The following PPFIA1 variants were observed in gnomAD, a reference collection of about 807,000 sequenced individuals.
The protein encoded by PPFIA1 is liprin-alpha-1.
Under a neutral mutation model 149.9 loss-of-function variants are expected in PPFIA1, and 25 were observed. The ratio of observed to expected loss-of-function variants is 0.17; its 90% CI spans 0.12 to 0.23. The LOEUF (loss-of-function observed/expected upper bound fraction) is 0.23. Ranked by LOEUF, PPFIA1 falls within the 10% of genes least tolerant of loss-of-function variation. PPFIA1 has a pLI of 1.00. For missense variants in PPFIA1, 1,362 were observed against 1,506.5 expected (o/e 0.90, Z 1.59); for synonymous variants, 549 against 552.8 (o/e 0.99, Z 0.10).
chr11:70,335,587 GAAGAACA>G lies in PPFIA1; in HGVS notation c.1322_1328del (p.Glu441ValfsTer38), dbSNP rs2054923558. The G allele has an allele frequency of 6.2e-7, 1 of 1,613,742 alleles. No individual in the cohort carries two copies. The highest frequency in any genetic ancestry group is 1.1e-5 in the South Asian group (1 of 91,044). ...GGCAAGGCAAAGAGAAAAAATGAAC[GAAGAACA>G]TAATAAACGTTTATCAGACACTGTT... On this transcript the variant is annotated frameshift_variant, in exon 11 of 28. Coordinates refer to ENST00000253925, the MANE Select transcript of PPFIA1 (RefSeq NM_003626.5). LOFTEE classifies it high-confidence loss of function.
intron 2 of PPFIA1, among the ~76,000 whole-genome samples, chr11:70,312,958 C>T (rs115722544): frequency 6.6e-6 from 1 of 152,088 alleles, no homozygotes; most frequent in Admixed American, 6.6e-5. Flanking sequence ...GTAGAGGAGG[C>T]CTCTGCAGGA....
At chr11:70,317,377 A>C (rs2053698224) in intron 2 of PPFIA1, among the ~76,000 whole-genome samples, 1 of 151,992 alleles carries the variant, frequency 6.6e-6, no homozygotes, top group Admixed American at 6.5e-5. Flanking sequence ...GCTTTGATAT[A>C]TTTTCAGTTG....
chr11:70,325,904 G>T (rs2054240055), intron 5 of PPFIA1, among the ~76,000 whole-genome samples: 1 of 147,380 alleles, frequency 6.8e-6, no homozygotes, highest in Admixed American at 6.9e-5. Context: ...TTGCACTCCA[G>T]CCTGGGTGAC....
intron 2 of PPFIA1, among the ~76,000 whole-genome samples, chr11:70,309,634 A>T (rs2053123052): frequency 7.1e-6 from 1 of 140,744 alleles, no homozygotes; most frequent in Non-Finnish European, 1.5e-5. Flanking sequence ...AGTTTTGCCT[A>T]AAAAAAAAAA....
chr11:70,331,901 T>C, intron 8 of PPFIA1, 59 bp from the exon 9 acceptor site: 1 of 1,550,528 alleles, frequency 6.4e-7, no homozygotes, highest in Non-Finnish European at 8.7e-7. Flanking sequence ...TTTCAATCTG[T>C]TAAAAACTGA....
intron 25 of PPFIA1, 150 bp downstream of exon 25, chr11:70,376,750 T>C (rs146410926): frequency 4.8e-4 from 367 of 767,460 alleles, no homozygotes; most frequent in African/African-American, 3.5e-3. Context: ...TTTGCTCTTA[T>C]ACATTTATTC....
At chr11:70,282,751 C>A (rs756351627) in intron 2 of PPFIA1, among the ~76,000 whole-genome samples, 7 of 150,688 alleles carry the variant, frequency 4.6e-5, no homozygotes, top group Admixed American at 4.6e-4. Context: ...CCAGAATGGT[C>A]GCGATCTCCT....
chr11:70,338,417 A>T lies in PPFIA1; in HGVS notation c.1535A>T (p.Asp512Val). Residue 512 changes from aspartate to valine, a missense_variant, in exon 13 of 28, where the codon GAC becomes GTC. By Grantham distance (152) the Asp-to-Val change is radical (BLOSUM62 -3). This residue lies in a region of PPFIA1 where 733 missense variants were observed against 744.1 expected (regional missense o/e 0.99). Transcript: ENST00000253925. ...ATTGAAGCACTGAGGGCTGAACTAG[A>T]CCACATGAGACTAAGAGGTGCTTCA... is the stretch of plus-strand genomic sequence containing the variant. ...LNIEALRAEL[D>V]HMRLRGASLH... 1 of 1,613,504 alleles carries T rather than the reference A, an allele frequency of 6.2e-7. No individual in the cohort carries two copies. The highest frequency in any genetic ancestry group is 8.5e-7 in the Non-Finnish European group (1 of 1,179,424).
intron 23 of PPFIA1, among the ~76,000 whole-genome samples, chr11:70,373,203 ATTTGTTTG>A (rs151079983): frequency 2.0e-5 from 3 of 151,832 alleles, no homozygotes; most frequent in Non-Finnish European, 2.9e-5. Context: ...ACTCAAATTT[ATTTGTTTG>A]TTTGTTTATT....
chr11:70,351,315 A>G (rs2056041733), intron 16 of PPFIA1, among the ~76,000 whole-genome samples: 1 of 152,232 alleles, frequency 6.6e-6, no homozygotes, highest in Admixed American at 6.5e-5. Context: ...TTTAAAAATA[A>G]GAAATTACTA....
chr11:70,272,182 G>A lies in PPFIA1; in HGVS notation c.10G>A (p.Glu4Lys), dbSNP rs765770151. 1.9e-6 allele frequency: 3 copies of A among 1,613,440 alleles called. No individual in the cohort carries two copies. Among genetic ancestry groups the A allele is most frequent in the East Asian group, 2.2e-5 (1 of 44,886 alleles). ...GGTCTTTCATTTCAAGATGATGTGC[G>A]AGGTGATGCCGACCATCAGCGAAGC... MMC[E>K]VMPTISEAEG... The change falls in exon 2 of 28, where the codon GAG becomes AAG. Residue 4 changes from glutamate (E) to lysine (K), a missense_variant. Glu to Lys is a moderately conservative substitution (Grantham distance 56). Coordinates refer to ENST00000253925, the MANE Select transcript of PPFIA1 (RefSeq NM_003626.5).
At chr11:70,341,508 T>C (rs2055328475) in intron 14 of PPFIA1, among the ~76,000 whole-genome samples, 1 of 152,058 alleles carries the variant, frequency 6.6e-6, no homozygotes, top group South Asian at 2.1e-4. Flanking sequence ...AGACTAGGAA[T>C]TGAGCCAGGG....
At chr11:70,274,909 G>T (rs1278460918) in intron 2 of PPFIA1, among the ~76,000 whole-genome samples, 4 of 152,074 alleles carry the variant, frequency 2.6e-5, no homozygotes, top group Non-Finnish European at 5.9e-5. Context: ...TGTAGAGGTG[G>T]GGTTTTACCA....
At chr11:70,348,141 A>C in intron 15 of PPFIA1, 48 bp from the exon 16 acceptor site, 1 of 1,542,162 alleles carries the variant, frequency 6.5e-7, no homozygotes, top group Non-Finnish European at 9.0e-7. Context: ...CAAACACATT[A>C]ATCTGTTTGC....
chr11:70,365,553 A>C, intron 21 of PPFIA1: 1 of 399,018 alleles, frequency 2.5e-6, no homozygotes, highest in Non-Finnish European at 5.0e-6. Context: ...GTTCCAGATA[A>C]GTATTTCCTT....
In PPFIA1 at chr11:70,356,147, C is replaced by G. The variant is rs1297813237; in HGVS notation, c.2489-14C>G. ...TGCTGATTTTTACTTCTGGGCTGTT[C>G]TGCTTCCTCACAGCTGGTGTTTCCG... On this transcript the variant is annotated splice_polypyrimidine_tract_variant and intron_variant, in intron 18 of 27. Transcript: ENST00000253925. 6.2e-7 allele frequency: 1 copy of G among 1,605,892 alleles called. No homozygotes were observed. Among genetic ancestry groups the G allele is most frequent in the Non-Finnish European group, 8.5e-7 (1 of 1,172,664 alleles).
intron 2 of PPFIA1, among the ~76,000 whole-genome samples, chr11:70,284,940 G>A (rs1252963423): frequency 1.3e-5 from 2 of 152,148 alleles, no homozygotes; most frequent in African/African-American, 2.4e-5. Context: ...TACTTTGCGT[G>A]CATCGTGGCC....
intron 14 of PPFIA1, among the ~76,000 whole-genome samples, 182 bp downstream of exon 14, chr11:70,339,488 G>A (rs1033518716): frequency 2.5e-4 from 36 of 145,034 alleles, no homozygotes; most frequent in African/African-American, 1.0e-3. Context: ...TTTTGTTTTT[G>A]TTTTTGTTTT....
chr11:70,378,109 G>A lies in PPFIA1; in HGVS notation c.3464G>A (p.Gly1155Glu), dbSNP rs1555129339. 6.2e-7 allele frequency: 1 copy of A among 1,614,078 alleles called. No homozygotes were observed. Among genetic ancestry groups the A allele is most frequent in the South Asian group, 1.1e-5 (1 of 91,074 alleles). Residue 1155 changes from glycine to glutamate, a missense_variant, in exon 26 of 28, where the codon GGG becomes GAG. Physicochemically the swap from Gly to Glu is moderately conservative, Grantham distance 98. Coordinates refer to ENST00000253925, the MANE Select transcript of PPFIA1 (RefSeq NM_003626.5). ...RPKDIRGLAA[G>E]SAETLPANFR... ...AAGGACATTCGTGGCTTAGCTGCTGGGTCAGCAGAGACTCTCCCTGCAAAC... is the reference window on the plus strand; with the variant it reads ...AAGGACATTCGTGGCTTAGCTGCTGAGTCAGCAGAGACTCTCCCTGCAAAC...
Sources: allele counts gnomAD v4.1 joint callset (sites outside exome capture counted in the v4.1 genomes callset), GRCh38; gene constraint gnomAD v4.1.1; regional missense constraint gnomAD v4.1.1; transcripts MANE v1.5; gene names NCBI Gene and HGNC (gene_info 2026-07-23, HGNC 2026-07-21).